TRMT11: variants seen among roughly 807,000 people sequenced by gnomAD.
TRMT11 encodes tRNA (guanine(10)-N(2))-methyltransferase TRMT11.
Under a neutral mutation model 62.8 loss-of-function variants are expected in TRMT11, and 53 were observed. That is an observed-to-expected ratio of 0.84 (90% CI 0.68 to 1.06). TRMT11 has a LOEUF of 1.06. Ranked by LOEUF, TRMT11 falls within the 50% of genes least tolerant of loss-of-function variation. TRMT11 has a pLI of 0.00. For missense variants in TRMT11, 556 were observed against 553.4 expected, an observed-to-expected ratio of 1.00 and a Z score of -0.05; for synonymous variants, 188 against 190.3, an observed-to-expected ratio of 0.99 and a Z score of 0.10.
the TRMT11 span, among the ~76,000 whole-genome samples, chr6:126,263,436 T>C: frequency 1.3e-5 from 2 of 152,208 alleles, no homozygotes; most frequent in Admixed American, 1.3e-4. Context: ...TGTAATTTAA[T>C]TTATTAAAAT....
chr6:126,070,282 G>A (rs751306051), intron 17 of TRMT11, among the ~76,000 whole-genome samples: 1 of 152,162 alleles, frequency 6.6e-6, no homozygotes, highest in Non-Finnish European at 1.5e-5. Flanking sequence ...GCTGTGAGTG[G>A]TGAGAGTTCA....
downstream of TRMT11, among the ~76,000 whole-genome samples, chr6:126,042,523 T>C (rs1229101221): frequency 3.9e-5 from 6 of 152,206 alleles, no homozygotes; most frequent in African/African-American, 1.4e-4. Context: ...CTATTTCTTG[T>C]GATATTAAGA....
At chr6:126,091,693 T>C (rs977058485) in intron 17 of TRMT11, among the ~76,000 whole-genome samples, 6 of 152,196 alleles carry the variant, frequency 3.9e-5, no homozygotes, top group African/African-American at 1.2e-4. Context: ...AGGAAAGGCC[T>C]GATGTCTCTC....
At chr6:126,136,801 A>G (rs1318490202) in intron 21 of TRMT11, among the ~76,000 whole-genome samples, 2 of 151,894 alleles carry the variant, frequency 1.3e-5, no homozygotes, top group Non-Finnish European at 2.9e-5. Flanking sequence ...GACCAATGGA[A>G]GAGGATAGAG....
chr6:126,202,673 TA>T (rs915018348), downstream of TRMT11, among the ~76,000 whole-genome samples: 2 of 150,410 alleles, frequency 1.3e-5, no homozygotes, highest in South Asian at 2.1e-4. Context: ...CTTTTCAAAT[TA>T]AAAAAAAACT....
intron 11 of TRMT11, among the ~76,000 whole-genome samples, chr6:126,017,399 T>C (rs754035532): frequency 5.9e-5 from 9 of 152,240 alleles, no homozygotes; most frequent in Non-Finnish European, 1.0e-4. Flanking sequence ...GAGCTAATGA[T>C]TGAAAAGGAT....
intron 17 of TRMT11, among the ~76,000 whole-genome samples, chr6:126,104,444 GGA>G (rs1777440668): frequency 2.6e-5 from 4 of 152,170 alleles, no homozygotes; most frequent in African/African-American, 4.8e-5. Context: ...GTCACTATCA[GGA>G]AGCTGAGGTT....
chr6:126,128,984 T>G (rs1271539584), intron 21 of TRMT11, among the ~76,000 whole-genome samples: 2 of 151,388 alleles, frequency 1.3e-5, no homozygotes, highest in Non-Finnish European at 2.9e-5. Context: ...AGCCATTGCT[T>G]CCAGAGCTTA....
At chr6:126,044,853 T>C (rs1282988794) in intron 16 of TRMT11, among the ~76,000 whole-genome samples, 1 of 151,758 alleles carries the variant, frequency 6.6e-6, no homozygotes, top group Non-Finnish European at 1.5e-5. Context: ...CTGGTCACTC[T>C]TCTGGGACTT....
intron 17 of TRMT11, among the ~76,000 whole-genome samples, chr6:126,082,190 C>T (rs958165491): frequency 7.2e-5 from 11 of 151,878 alleles, no homozygotes; most frequent in South Asian, 2.1e-4. Flanking sequence ...CATATTATGC[C>T]GATACCACCG....
chr6:126,219,965 G>T, the TRMT11 span, among the ~76,000 whole-genome samples: 2 of 152,144 alleles, frequency 1.3e-5, no homozygotes, highest in Admixed American at 6.5e-5. Flanking sequence ...GATTTAAGAT[G>T]ACCTCAGCCA....
At chr6:126,072,167 A>T (rs1250178087) in intron 17 of TRMT11, among the ~76,000 whole-genome samples, 2 of 152,112 alleles carry the variant, frequency 1.3e-5, no homozygotes, top group African/African-American at 4.8e-5. Context: ...AAAAATATTT[A>T]CTCACTGTTC....
intron 1 of TRMT11, among the ~76,000 whole-genome samples, chr6:126,179,033 C>T (rs1224260233): frequency 6.6e-6 from 1 of 151,884 alleles, no homozygotes; most frequent in Non-Finnish European, 1.5e-5. Flanking sequence ...CTAATTTTTC[C>T]TTAAACAAAA....
intron 21 of TRMT11, among the ~76,000 whole-genome samples, chr6:126,126,215 G>C (rs1308576602): frequency 6.6e-6 from 1 of 152,076 alleles, no homozygotes; most frequent in Non-Finnish European, 1.5e-5. Flanking sequence ...CTGTTAACCT[G>C]TAGCTTTCAA....
intron 12 of TRMT11, among the ~76,000 whole-genome samples, chr6:126,037,033 C>T (rs1455132787): frequency 6.6e-6 from 1 of 151,940 alleles, no homozygotes; most frequent in Non-Finnish European, 1.5e-5. Context: ...GACCTCTCAT[C>T]CAGTTCTACT....
At chr6:126,214,080 G>A in the TRMT11 span, among the ~76,000 whole-genome samples, 1 of 152,002 alleles carries the variant, frequency 6.6e-6, no homozygotes, top group Non-Finnish European at 1.5e-5. Flanking sequence ...TTGCATCTCT[G>A]CGATAAATCC....
Position 126,011,303 on chromosome 6 carries a change from A to G in TRMT11, c.811A>G (p.Arg271Gly). ...GTGGAGAGGACCAGATGAAAACATT[A>G]GGGCCAATCTTCGTCAATATGGTTT... ...QKWRGPDENI[R>G]ANLRQYGLEK... The change falls in exon 9 of 13, where the codon AGG becomes GGG. Residue 271 changes from arginine (R) to glycine (G), a missense_variant. Physicochemically the swap from Arg to Gly is moderately radical, Grantham distance 125. Transcript: ENST00000334379. The G allele has an allele frequency of 2.5e-6, 4 of 1,613,414 alleles. No individual in the cohort carries two copies. The highest frequency in any genetic ancestry group is 3.4e-6 in the Non-Finnish European group (4 of 1,179,548).
At chr6:126,091,327 C>T (rs562834540) in intron 17 of TRMT11, among the ~76,000 whole-genome samples, 2 of 152,262 alleles carry the variant, frequency 1.3e-5, no homozygotes, top group African/African-American at 2.4e-5. Flanking sequence ...GTAACCTACG[C>T]GTACCAATCA....
the TRMT11 span, among the ~76,000 whole-genome samples, chr6:126,260,359 A>G: frequency 0.021 from 3,268 of 152,134 alleles, 132 homozygotes; most frequent in African/African-American, 0.075. Context: ...TAATTGCCTA[A>G]TTTTTCTCTC....
Sources: gnomAD v4.1 joint callset for allele counts (sites outside exome capture counted in the v4.1 genomes callset) on GRCh38, gnomAD v4.1.1 for gene constraint, MANE v1.5 for transcripts, NCBI Gene and HGNC (gene_info 2026-07-23, HGNC 2026-07-21) for gene names.